Variants in NAALADL2 observed in about 807,000 individuals in gnomAD.
NAALADL2 encodes the protein inactive N-acetylated-alpha-linked acidic dipeptidase-like protein 2.
A neutral mutation model predicts 87.2 loss-of-function variants in NAALADL2; 76 were observed. That is an observed-to-expected ratio of 0.87 (90% CI 0.72 to 1.05). NAALADL2 has a LOEUF of 1.05. Ranked by LOEUF, NAALADL2 falls within the 50% of genes least tolerant of loss-of-function variation. The pLI is 0.00. For missense variants in NAALADL2, 1,089 were observed against 945.8 expected, an observed-to-expected ratio of 1.15 and a Z score of -1.99; for synonymous variants, 354 against 331.0, an observed-to-expected ratio of 1.07 and a Z score of -0.75.
intron 12 of NAALADL2, among the ~76,000 whole-genome samples, chr3:175,746,949 G>A (rs2150112590): frequency 6.6e-6 from 1 of 152,074 alleles, no homozygotes; most frequent in Admixed American, 6.5e-5. Flanking sequence ...ATATAACCTG[G>A]GCACATCCTC....
intron 3 of NAALADL2, among the ~76,000 whole-genome samples, chr3:174,840,274 T>C (rs1723871548): frequency 6.6e-6 from 1 of 151,838 alleles, no homozygotes; most frequent in African/African-American, 2.4e-5. Flanking sequence ...AAAGAGGAAA[T>C]ATAATTGTGT....
chr3:175,476,931 T>C (rs1358848872), intron 9 of NAALADL2, among the ~76,000 whole-genome samples: 1 of 152,172 alleles, frequency 6.6e-6, no homozygotes, highest in Non-Finnish European at 1.5e-5. Flanking sequence ...CTAAGTCTTG[T>C]AATAAATCTA....
At chr3:175,507,503 G>C (rs1270292692) in intron 9 of NAALADL2, among the ~76,000 whole-genome samples, 1 of 151,692 alleles carries the variant, frequency 6.6e-6, no homozygotes, top group African/African-American at 2.4e-5. Flanking sequence ...GCTCACTGCA[G>C]CCCCCGCCTC....
In NAALADL2 at chr3:174,920,635, A is replaced by G. The variant is rs187700562; in HGVS notation, c.43+61185A>G. 2.2e-4 allele frequency among the ~76,000 whole-genome samples: 33 copies of G among 152,256 alleles called. No homozygotes were observed. The East Asian group carries it at 6.0e-3, about 28-fold the overall frequency. On this transcript the variant is annotated intron_variant, in intron 1 of 13. Transcript: ENST00000454872. ...AGCAATACGGTGGTTTTGCTTTGCT[A>G]TCATTCCTATATTCGACGGAATGGC...
chr3:174,719,498 A>G (rs766883069), intron 2 of NAALADL2, among the ~76,000 whole-genome samples: 3 of 152,212 alleles, frequency 2.0e-5, no homozygotes, highest in Non-Finnish European at 4.4e-5. Context: ...TATTTTGTAA[A>G]TGAAGGACTT....
intron 2 of NAALADL2, among the ~76,000 whole-genome samples, chr3:175,124,862 A>C (rs573302042): frequency 6.6e-6 from 1 of 152,176 alleles, no homozygotes; most frequent in East Asian, 1.9e-4. Context: ...TATGGAACTT[A>C]AAGGTTAATA....
chr3:175,213,766 TA>T (rs1210885759), intron 2 of NAALADL2, among the ~76,000 whole-genome samples: 1 of 152,138 alleles, frequency 6.6e-6, no homozygotes, highest in Non-Finnish European at 1.5e-5. Flanking sequence ...AACTGAGTCT[TA>T]AGGGTCTTTA....
At chr3:174,748,514 T>C (rs1221333506) in intron 3 of NAALADL2, among the ~76,000 whole-genome samples, 1 of 152,066 alleles carries the variant, frequency 6.6e-6, no homozygotes, top group African/African-American at 2.4e-5. Flanking sequence ...CCCAGAACTG[T>C]AAGGGAATAA....
chr3:174,625,362 A>C (rs2108679401), intron 2 of NAALADL2, among the ~76,000 whole-genome samples: 1 of 152,116 alleles, frequency 6.6e-6, no homozygotes, highest in African/African-American at 2.4e-5. Flanking sequence ...CTGGCCTATA[A>C]GTTTATTTGA....
intron 3 of NAALADL2, among the ~76,000 whole-genome samples, chr3:175,244,035 A>C (rs1190334635): frequency 6.6e-6 from 1 of 152,130 alleles, no homozygotes; most frequent in Non-Finnish European, 1.5e-5. Flanking sequence ...TGGACTTTCA[A>C]CACAGCAACG....
intron 9 of NAALADL2, among the ~76,000 whole-genome samples, chr3:175,499,632 G>A (rs149564345): frequency 1.4e-3 from 206 of 152,008 alleles, no homozygotes; most frequent in African/African-American, 4.6e-3. Context: ...TCCGTGATTC[G>A]GATTGGAGCC....
At chr3:174,736,418 G>C (rs941883852) in intron 2 of NAALADL2, among the ~76,000 whole-genome samples, 8 of 152,078 alleles carry the variant, frequency 5.3e-5, no homozygotes, top group African/African-American at 1.9e-4. Context: ...GACCCACATT[G>C]GGTAGCTCCT....
intron 1 of NAALADL2, among the ~76,000 whole-genome samples, chr3:174,913,297 C>T (rs1315186502): frequency 6.6e-6 from 1 of 152,132 alleles, no homozygotes; most frequent in African/African-American, 2.4e-5. Context: ...TTGTCACCTG[C>T]AAGTATTCTA....
intron 1 of NAALADL2, among the ~76,000 whole-genome samples, chr3:174,882,901 G>GTGTATATATATGTT (rs1173339589): frequency 6.7e-6 from 1 of 149,882 alleles, no homozygotes; most frequent in Non-Finnish European, 1.5e-5. Context: ...GTATATATAT[G>GTGTATATATATGTT]TGTATATATA....
At chr3:174,684,069 T>C (rs57222240) in intron 2 of NAALADL2, among the ~76,000 whole-genome samples, 13,475 of 152,088 alleles carry the variant, frequency 0.089, 836 homozygotes, top group South Asian at 0.27. Context: ...TAAAAGAAGT[T>C]TGGCATTTCA....
At chr3:174,485,888 T>A (rs1378796201) in intron 1 of NAALADL2, among the ~76,000 whole-genome samples, 1 of 152,056 alleles carries the variant, frequency 6.6e-6, no homozygotes, top group Admixed American at 6.6e-5. Flanking sequence ...AAGTCTTTGA[T>A]CCATCTTGAG....
intron 1 of NAALADL2, among the ~76,000 whole-genome samples, chr3:174,917,277 G>T (rs1005430644): frequency 6.6e-6 from 1 of 151,986 alleles, no homozygotes; most frequent in Non-Finnish European, 1.5e-5. Context: ...ATTTGTTCAA[G>T]AACCTGTTGA....
intron 11 of NAALADL2, among the ~76,000 whole-genome samples, chr3:175,726,617 A>T (rs987874900): frequency 2.0e-5 from 3 of 152,134 alleles, no homozygotes; most frequent in Admixed American, 1.3e-4. Flanking sequence ...CTACAGTGGT[A>T]GCTGACTTGA....
intron 1 of NAALADL2, among the ~76,000 whole-genome samples, chr3:174,980,115 G>A (rs1744920012): frequency 6.6e-6 from 1 of 152,106 alleles, no homozygotes; most frequent in Admixed American, 6.5e-5. Context: ...GCCTCCTTCT[G>A]GAGGCCACCT....
Sources: allele counts gnomAD v4.1 joint callset (sites outside exome capture counted in the v4.1 genomes callset), GRCh38; gene constraint gnomAD v4.1.1; transcripts MANE v1.5; gene names NCBI Gene and HGNC (gene_info 2026-07-23, HGNC 2026-07-21).